The following FHAD1 variants were observed in gnomAD, a reference collection of about 807,000 sequenced individuals.
FHAD1 encodes forkhead associated phosphopeptide binding domain 1.
Under a neutral mutation model 191.3 loss-of-function variants are expected in FHAD1, and 146 were observed. The ratio of observed to expected loss-of-function variants is 0.76; its 90% CI spans 0.67 to 0.88. FHAD1 has a LOEUF of 0.88. Ranked by LOEUF, FHAD1 falls within the 40% of genes least tolerant of loss-of-function variation. FHAD1 has a pLI of 0.00. For missense variants in FHAD1, 1,635 were observed against 1,785.8 expected, an observed-to-expected ratio of 0.92 and a Z score of 1.52; for synonymous variants, 616 against 672.3, an observed-to-expected ratio of 0.92 and a Z score of 1.29.
At chr1:15,297,861 A>G (rs748402726) in intron 5 of FHAD1, among the ~76,000 whole-genome samples, 2 of 152,016 alleles carry the variant, frequency 1.3e-5, no homozygotes, top group East Asian at 3.9e-4. Flanking sequence ...AAGTTTTTAT[A>G]GAGTTTTTAT....
chr1:15,296,747 C>A lies in FHAD1; in HGVS notation c.632C>A (p.Pro211His), dbSNP rs969071084. 5 of 1,551,674 alleles carry A rather than the reference C, an allele frequency of 3.2e-6. No individual in the cohort carries two copies. In the Admixed American group the frequency reaches 9.8e-5, roughly 30 times the overall value. ...GCCGAGGGGATTCCTGGGGCAGTTC[C>A]CCCTGCGGAGATTTATGTGGAGGAG... is the stretch of plus-strand genomic sequence containing the variant. Reference protein sequence around the residue: ...SVAEGIPGAVPPAEIYVEEDL... With the variant: ...SVAEGIPGAVHPAEIYVEEDL... Residue 211 changes from proline (P) to histidine (H), a missense_variant, in exon 5 of 34, where the codon CCC becomes CAC. By Grantham distance (77) the Pro-to-His change is moderately conservative. Transcript: ENST00000688493.
intron 10 of FHAD1, among the ~76,000 whole-genome samples, chr1:15,320,813 T>A (rs943554306): frequency 3.9e-5 from 6 of 152,250 alleles, no homozygotes; most frequent in African/African-American, 1.4e-4. Flanking sequence ...TCCAAGTATA[T>A]TTAATATAAT....
intron 21 of FHAD1, 144 bp downstream of exon 21, chr1:15,358,427 T>C: frequency 1.3e-6 from 1 of 755,506 alleles, no homozygotes; most frequent in East Asian, 2.9e-5. Flanking sequence ...TGTCAGGGGC[T>C]GTCCTGAGCA....
At chr1:15,376,437 A>G (rs1699685394) in intron 28 of FHAD1, among the ~76,000 whole-genome samples, 1 of 152,322 alleles carries the variant, frequency 6.6e-6, no homozygotes, top group African/African-American at 2.4e-5. Context: ...CTAATAGATC[A>G]TGTTATGCCA....
intron 7 of FHAD1, among the ~76,000 whole-genome samples, chr1:15,309,982 G>A (rs1002495540): frequency 6.6e-6 from 1 of 152,156 alleles, no homozygotes. Context: ...GGTGGGGTCA[G>A]GGGGGAGGCA....
rs1693502754 is a variant in FHAD1 at position 15,358,190 on chromosome 1, G to A, written c.2643G>A (p.Gln881=). 8 of 1,540,100 alleles carry A rather than the reference G, an allele frequency of 5.2e-6. No individual in the cohort carries two copies. The South Asian group carries it at 9.9e-5, about 19-fold the overall frequency. ...SDALAMVEET[Q]KTKATESLKA... ...CACTGGCCATGGTTGAAGAGACTCAGAAAACAAAGGCAACTGAAAGTCTAA... is the reference window on the plus strand; with the variant it reads ...CACTGGCCATGGTTGAAGAGACTCAAAAAACAAAGGCAACTGAAAGTCTAA... The change falls in exon 21 of 34, where the codon CAG becomes CAA. Residue 881 remains glutamine, a synonymous_variant. Coordinates refer to ENST00000688493, the MANE Select transcript of FHAD1 (RefSeq NM_001391957.1).
At chr1:15,394,909 G>A (rs1345162150) in intron 33 of FHAD1, among the ~76,000 whole-genome samples, 1 of 152,172 alleles carries the variant, frequency 6.6e-6, no homozygotes, top group Non-Finnish European at 1.5e-5. Flanking sequence ...TCCACAGTGT[G>A]TCCAGAATTG....
At position 15,327,318 on chromosome 1, in the gene FHAD1, G is replaced by T. The variant is rs1679114096; in HGVS notation, c.1557+176G>T. 3.6e-6 allele frequency: 2 copies of T among 556,904 alleles called. No individual in the cohort carries two copies. The highest frequency in any genetic ancestry group is 3.2e-6 in the Non-Finnish European group (1 of 310,666). 34.5% of individuals were successfully genotyped at this position (556,904 alleles called of 1,614,324 possible). A position where few individuals can be genotyped will look rare whatever the true frequency, so the allele number is the denominator to read the frequency against. On this transcript the variant is annotated intron_variant, in intron 12 of 33. Transcript: ENST00000688493. The surrounding 1 kb of genome is among the most constrained non-coding windows in gnomAD (Gnocchi z 5.1). ...TTTATGGGATTTCCTGGCTTTTAAAGTAAAAGCCAGTTAAAACTCCCTTGA... is the reference window on the plus strand; with the variant it reads ...TTTATGGGATTTCCTGGCTTTTAAATTAAAAGCCAGTTAAAACTCCCTTGA...
chr1:15,278,407 A>G (rs1041280464), intron 3 of FHAD1, among the ~76,000 whole-genome samples: 2 of 151,924 alleles, frequency 1.3e-5, no homozygotes, highest in African/African-American at 4.8e-5. Flanking sequence ...TGCGCTGGTT[A>G]ATAGTTTACT....
rs553498504 is a variant in FHAD1 at position 15,397,186 on chromosome 1, G to A, written c.4324-111G>A. 2.9e-4 allele frequency: 144 copies of A among 503,478 alleles called. 1 individual carries two copies. Among genetic ancestry groups the A allele is most frequent in the South Asian group, 2.7e-3 (69 of 25,972 alleles). 31.2% of individuals were successfully genotyped at this position (503,478 alleles called of 1,614,324 possible). A position where few individuals can be genotyped will look rare whatever the true frequency, so the allele number is the denominator to read the frequency against. On this transcript the variant is annotated intron_variant, in intron 33 of 33. Transcript: ENST00000688493. ...AGCCTGGGCGATAGAGCGAGACTCC[G>A]TCTCAAAAAAAAAAAATTAAATAAA...
intron 4 of FHAD1, among the ~76,000 whole-genome samples, chr1:15,293,405 A>G (rs373472745): frequency 2.0e-5 from 3 of 152,120 alleles, no homozygotes; most frequent in Non-Finnish European, 1.5e-5. Context: ...AGATTCATCC[A>G]TTTTGCTGTA....
Position 15,358,231 on chromosome 1 carries a change from C to A in FHAD1, c.2684C>A (p.Ala895Asp), listed in dbSNP as rs1341687762. ...ATESLKAESL[A>D]LKLNETLAEL... ...GAAAGTCTAAAAGCAGAGAGCCTCGCCTTGAAATTAAATGAAACATTAGCC... is the reference window on the plus strand; with the variant it reads ...GAAAGTCTAAAAGCAGAGAGCCTCGACTTGAAATTAAATGAAACATTAGCC... The change falls in exon 21 of 34, where the codon GCC becomes GAC. Residue 895 changes from alanine to aspartate, a missense_variant. Coordinates refer to ENST00000688493, the MANE Select transcript of FHAD1 (RefSeq NM_001391957.1). The A allele has an allele frequency of 6.5e-7, 1 of 1,539,330 alleles. No individual in the cohort carries two copies. The highest frequency in any genetic ancestry group is 2.5e-5 in the East Asian group (1 of 40,516).
chr1:15,300,215 C>T (rs566263253), intron 5 of FHAD1, among the ~76,000 whole-genome samples: 21 of 152,302 alleles, frequency 1.4e-4, no homozygotes, highest in South Asian at 2.1e-4. Flanking sequence ...ACAAATTCTT[C>T]GGCTACGGTG....
rs1403399275 is a variant in FHAD1, at chr1:15,365,833, C to T, written c.3054C>T (p.Asp1018=). The change falls in exon 24 of 34, where the codon GAC becomes GAT. Residue 1018 remains aspartate (D), a synonymous_variant. Coordinates refer to ENST00000688493, the MANE Select transcript of FHAD1 (RefSeq NM_001391957.1). ...KDMAYEHLID[D]LLAAQKEILS... ...CTGTTTTTGTGAATTTCAGAGATGA[C>T]TTATTGGCTGCTCAGAAGGAAATTC... 6.5e-6 allele frequency: 10 copies of T among 1,549,744 alleles called. No homozygotes were observed. The highest frequency in any genetic ancestry group is 8.7e-6 in the Non-Finnish European group (10 of 1,145,376).
intron 3 of FHAD1, among the ~76,000 whole-genome samples, chr1:15,275,198 GTGA>G (rs1219342547): frequency 1.3e-5 from 2 of 152,044 alleles, no homozygotes; most frequent in East Asian, 3.9e-4. Context: ...TCCTGACCTC[GTGA>G]TCCGCCCGTC....
At chr1:15,350,343 G>A (rs1329224015) in intron 19 of FHAD1, among the ~76,000 whole-genome samples, 1 of 152,228 alleles carries the variant, frequency 6.6e-6, no homozygotes, top group Non-Finnish European at 1.5e-5. Flanking sequence ...GTGCCCGAGG[G>A]CAGGACCGCT....
rs117598609 is a variant in FHAD1 at position 15,362,737 on chromosome 1, G to A, written c.3047+11G>A. The A allele has an allele frequency of 2.5e-5, 38 of 1,548,656 alleles. No homozygotes were observed. The highest frequency in any genetic ancestry group is 5.9e-5 in the Admixed American group (3 of 50,996). The stretch of plus-strand genomic sequence containing the variant: ...GTACGAACATCTGATGTGAGTACCC[G>A]TGGGTGTGTGAGCGCCAGGCATTCT... On this transcript the variant is annotated intron_variant, in intron 23 of 33. Transcript: ENST00000688493.
At chr1:15,337,792 A>G (rs1047515652) in intron 14 of FHAD1, among the ~76,000 whole-genome samples, 1 of 151,726 alleles carries the variant, frequency 6.6e-6, no homozygotes. Flanking sequence ...GCTCTTCATC[A>G]GGCCACTTCA....
chr1:15,365,329 T>C (rs1696057888), intron 23 of FHAD1, among the ~76,000 whole-genome samples: 1 of 151,942 alleles, frequency 6.6e-6, no homozygotes, highest in Non-Finnish European at 1.5e-5. Context: ...GGATTTTCTT[T>C]TTTCTTTCTT....
Sources: gnomAD v4.1 joint callset for allele counts (sites outside exome capture counted in the v4.1 genomes callset) on GRCh38, gnomAD v4.1.1 for gene constraint, Gnocchi (gnomAD v3.1) non-coding constraint, MANE v1.5 for transcripts, NCBI Gene and HGNC (gene_info 2026-07-23, HGNC 2026-07-21) for gene names.